The following NRN1 variants were observed in gnomAD, a reference collection of about 807,000 sequenced individuals.
The protein encoded by NRN1 is neuritin 1, also known as neuritin.
In NRN1, 4 loss-of-function variants were observed where a neutral mutation model predicts 15.0. The ratio of observed to expected loss-of-function variants is 0.27; its 90% CI spans 0.13 to 0.61. NRN1 has a LOEUF of 0.61. Ranked by LOEUF, NRN1 falls within the 20% of genes least tolerant of loss-of-function variation. The pLI is 0.87. For synonymous variants in NRN1, 85 were observed against 79.8 expected (o/e 1.07, Z -0.35); for missense variants, 134 against 181.9 (o/e 0.74, Z 1.51).
intron 1 of NRN1, chr6:6,003,287 G>A (rs1007862780): frequency 2.4e-6 from 3 of 1,230,922 alleles, no homozygotes; most frequent in African/African-American, 3.1e-5. Context: ...GAGAGGAGAA[G>A]GCCAGAGGCC....
rs2151032898 is a variant in NRN1 at position 6,002,454 on chromosome 6, C to T, written c.99G>A (p.Ala33=). The T allele has an allele frequency of 1.2e-6, 2 of 1,614,196 alleles. No individual in the cohort carries two copies. Among genetic ancestry groups the T allele is most frequent in the Non-Finnish European group, 1.7e-6 (2 of 1,180,018 alleles). The change falls in exon 2 of 3, where the codon GCG becomes GCA. Residue 33 remains alanine, a synonymous_variant. Transcript: ENST00000244766. ...AACAGTCCGAAAAGCCCTTGAAGAC[C>T]GCATCGCACTTGCCCGCTGCTCTCA... ...QAVRAAGKCD[A]VFKGFSDCLL...
At chr6:6,002,626 G>T (rs1012041005) in intron 1 of NRN1, 129 bp from the exon 2 acceptor site, 38 of 1,250,140 alleles carry the variant, frequency 3.0e-5, no homozygotes, top group Non-Finnish European at 1.2e-5. Flanking sequence ...GCCCAGCCTC[G>T]GGGCTCGCCA....
chr6:6,003,727 C>T, intron 1 of NRN1: 1 of 1,234,310 alleles, frequency 8.1e-7, no homozygotes, highest in Non-Finnish European at 1.0e-6. Flanking sequence ...GCGGCTGTGG[C>T]CATCTCTTTC....
At chr6:6,003,596 AG>A in intron 1 of NRN1, 1 of 683,886 alleles carries the variant, frequency 1.5e-6, no homozygotes, top group Admixed American at 4.3e-5. Flanking sequence ...CGGGAGGAGG[AG>A]GAGGAGGAGG....
chr6:6,003,345 A>G (rs1213692373), intron 1 of NRN1: 5 of 890,324 alleles, frequency 5.6e-6, no homozygotes, highest in South Asian at 5.7e-5. Context: ...GCAAAGGCCA[A>G]ATCCACGAAC....
Position 6,006,820 on chromosome 6 carries a change from CA to C in NRN1, c.-72del. 1 of 1,424,458 alleles carries C rather than the reference CA, an allele frequency of 7.0e-7. No homozygotes were observed. Among genetic ancestry groups the C allele is most frequent in the Non-Finnish European group, 9.9e-7 (1 of 1,009,474 alleles). 88.2% of individuals were successfully genotyped at this position (1,424,458 alleles called of 1,614,324 possible). ...TAGTTTAGAGAACGCGGGGGAAAGCCAAAAAATAGGCATTGCCAACAAGTTC... is the reference window on the plus strand; with the variant it reads ...TAGTTTAGAGAACGCGGGGGAAAGCCAAAAATAGGCATTGCCAACAAGTTC... On this transcript the variant is annotated 5_prime_UTR_variant, in exon 1 of 3. The change creates a premature stop within an existing upstream ORF in the 5' untranslated region. Transcript: ENST00000244766.
At chr6:6,003,875 G>T in intron 1 of NRN1, 1 of 1,231,690 alleles carries the variant, frequency 8.1e-7, no homozygotes, top group East Asian at 3.2e-5. Flanking sequence ...ATCCGCACTG[G>T]CGCCCACGAC....
At chr6:6,000,370 T>C (rs1757909018) in intron 2 of NRN1, among the ~76,000 whole-genome samples, 1 of 152,158 alleles carries the variant, frequency 6.6e-6, no homozygotes, top group Non-Finnish European at 1.5e-5. Flanking sequence ...TCCCAACCCG[T>C]GATCGATTCC....
intron 2 of NRN1, among the ~76,000 whole-genome samples, chr6:5,999,945 G>T (rs1757893335): frequency 6.6e-6 from 1 of 152,154 alleles, no homozygotes; most frequent in Non-Finnish European, 1.5e-5. Flanking sequence ...TCTCCCCGGG[G>T]TCGGTGAGTG....
chr6:6,000,724 T>TG, intron 2 of NRN1, among the ~76,000 whole-genome samples: 1 of 83,072 alleles, frequency 1.2e-5, no homozygotes. Context: ...AAATTGCTCT[T>TG]TTTTTTTTTT....
chr6:6,004,321 C>A (rs1758050219), intron 1 of NRN1, among the ~76,000 whole-genome samples: 2 of 152,200 alleles, frequency 1.3e-5, no homozygotes, highest in African/African-American at 4.8e-5. Context: ...AATGGAAATA[C>A]ACTCCACACA....
intron 1 of NRN1, among the ~76,000 whole-genome samples, chr6:6,005,845 A>G (rs2151034785): frequency 6.6e-6 from 1 of 152,336 alleles, no homozygotes; most frequent in South Asian, 2.1e-4. Context: ...GATGGTAAAA[A>G]TGTGAACTTT....
chr6:5,998,728 A>G lies in NRN1; in HGVS notation c.*248T>C. The stretch of plus-strand genomic sequence containing the variant: ...TTGCCGTTTTCTTATTTGTGTGTGA[A>G]GACGGACTAAAGCTGAGGTCCGATT... On this transcript the variant is annotated 3_prime_UTR_variant, in exon 3 of 3. Coordinates refer to ENST00000244766, the MANE Select transcript of NRN1 (RefSeq NM_016588.3). 1 of 431,992 alleles carries G rather than the reference A, an allele frequency of 2.3e-6. No individual in the cohort carries two copies. Among genetic ancestry groups the G allele is most frequent in the Non-Finnish European group, 4.1e-6 (1 of 244,030 alleles). 26.8% of individuals were successfully genotyped at this position (431,992 alleles called of 1,614,324 possible). A position where few individuals can be genotyped will look rare whatever the true frequency, so the allele number is the denominator to read the frequency against.
In NRN1 at chr6:6,006,688, C is replaced by A; in HGVS notation, c.55+7G>T. 1 of 1,613,916 alleles carries A rather than the reference C, an allele frequency of 6.2e-7. No individual in the cohort carries two copies. The highest frequency in any genetic ancestry group is 8.5e-7 in the Non-Finnish European group (1 of 1,179,810). ...CCAGCCTCCAGCCGGGCTGAGCGGC[C>A]ACTTACCTATTTGCACCGCGAGGAT... On this transcript the variant is annotated splice_region_variant and intron_variant, in intron 1 of 2. Coordinates refer to ENST00000244766, the MANE Select transcript of NRN1 (RefSeq NM_016588.3).
chr6:6,003,614 A>T, intron 1 of NRN1: 1 of 849,800 alleles, frequency 1.2e-6, no homozygotes, highest in Non-Finnish European at 1.6e-6. Context: ...GAGGAAACAC[A>T]GGCCGCACGA....
chr6:5,998,925 G>A lies in NRN1; in HGVS notation c.*51C>T, dbSNP rs1424948260. 4 of 1,331,962 alleles carry A rather than the reference G, an allele frequency of 3.0e-6. No homozygotes were observed. The highest frequency in any genetic ancestry group is 2.9e-5 in the African/African-American group (2 of 69,330). The allele number at this position is 1,331,962 out of a possible 1,614,324, so 82.5% of individuals were successfully genotyped here. A position where few individuals can be genotyped will look rare whatever the true frequency, so the allele number is the denominator to read the frequency against. Reference sequence around the variant, plus strand: ...CTAATGGATCTTCCTCTCGATTTCCGGGAGCATGGAGTGAGTGTGGGTGGG... The same window carrying A: ...CTAATGGATCTTCCTCTCGATTTCCAGGAGCATGGAGTGAGTGTGGGTGGG... On this transcript the variant is annotated 3_prime_UTR_variant, in exon 3 of 3. Transcript: ENST00000244766.
At position 6,002,485 on chromosome 6, in the gene NRN1, T is replaced by A; in HGVS notation, c.68A>T (p.Gln23Leu). Residue 23 changes from glutamine (Q) to leucine (L), a missense_variant, in exon 2 of 3, where the codon CAG (glutamine) becomes CTG (leucine). Coordinates refer to ENST00000244766, the MANE Select transcript of NRN1 (RefSeq NM_016588.3). Reference sequence around the variant, plus strand: ...GCACTTGCCCGCTGCTCTCACGGCCTGCACCAGATACGCTGCGGGGAGGAG... The same window carrying A: ...GCACTTGCCCGCTGCTCTCACGGCCAGCACCAGATACGCTGCGGGGAGGAG... ...ILAVQIAYLV[Q>L]AVRAAGKCDA... 1 of 1,613,826 alleles carries A rather than the reference T, an allele frequency of 6.2e-7. No individual in the cohort carries two copies.
upstream of NRN1, chr6:6,007,006 G>A: frequency 2.1e-6 from 1 of 486,798 alleles, no homozygotes; most frequent in East Asian, 3.6e-5. Flanking sequence ...TTAGAAGGGG[G>A]CGGAGGAAGT....
intron 1 of NRN1, chr6:6,003,354 A>C: frequency 6.4e-6 from 5 of 779,484 alleles, no homozygotes; most frequent in Non-Finnish European, 8.7e-6. Flanking sequence ...AAATCCACGA[A>C]CCTCGGGCCT....
Sources: allele counts gnomAD v4.1 joint callset (sites outside exome capture counted in the v4.1 genomes callset), GRCh38; gene constraint gnomAD v4.1.1; transcripts MANE v1.5; gene names NCBI Gene and HGNC (gene_info 2026-07-23, HGNC 2026-07-21).